CIMAP1A: variants seen among roughly 807,000 people sequenced by gnomAD.
The protein encoded by CIMAP1A is cancer/testis antigen 135.
the CIMAP1A span, chr11:199,767 T>G: frequency 6.9e-7 from 1 of 1,439,964 alleles, no homozygotes; most frequent in Non-Finnish European, 9.1e-7. Context: ...CCTGCCCTTT[T>G]CCCTAGACAC....
At chr11:199,762 C>T in the CIMAP1A span, 1 of 1,438,254 alleles carries the variant, frequency 7.0e-7, no homozygotes. Flanking sequence ...GAGACCCTGC[C>T]CTTTTCCCTA....
the CIMAP1A span, chr11:197,330 C>G: frequency 3.1e-6 from 5 of 1,587,486 alleles, no homozygotes; most frequent in Non-Finnish European, 4.3e-6. Context: ...TGGATGGGTA[C>G]CTGGAGGCCC....
the CIMAP1A span, chr11:197,256 C>CGG: frequency 7.3e-7 from 1 of 1,376,564 alleles, no homozygotes; most frequent in Non-Finnish European, 1.0e-6. Flanking sequence ...GGGACAGGGC[C>CGG]GGGCCTCCCA....
At chr11:199,847 CAGGTTCAGGA>C in the CIMAP1A span, 7 of 1,518,132 alleles carry the variant, frequency 4.6e-6, no homozygotes, top group Middle Eastern at 1.7e-4. Context: ...ACCTTGGCCC[CAGGTTCAGGA>C]AGGACAGCAG....
At chr11:199,686 C>T in the CIMAP1A span, 8 of 1,435,756 alleles carry the variant, frequency 5.6e-6, no homozygotes, top group Non-Finnish European at 7.3e-6. Flanking sequence ...GAGGCACCTG[C>T]ACCCTGAGGA....
At chr11:197,739 G>C in the CIMAP1A span, 36 of 1,613,582 alleles carry the variant, frequency 2.2e-5, no homozygotes, top group Middle Eastern at 3.3e-4. Flanking sequence ...ACCAAACCAA[G>C]ACCATGCTGA....
chr11:199,461 A>T, the CIMAP1A span: 4 of 1,562,888 alleles, frequency 2.6e-6, no homozygotes, highest in African/African-American at 1.4e-5. Flanking sequence ...TGGAGCCCCC[A>T]GGGGACAAGA....
chr11:197,252 G>A, the CIMAP1A span: 1 of 1,345,496 alleles, frequency 7.4e-7, no homozygotes. Context: ...GCATGGGACA[G>A]GGCCGGGCCT....
the CIMAP1A span, chr11:198,860 T>G: frequency 7.5e-7 from 1 of 1,325,884 alleles, no homozygotes; most frequent in Non-Finnish European, 9.6e-7. Flanking sequence ...AGAGAGGCAA[T>G]CTTAGATAGG....
chr11:198,592 G>A, the CIMAP1A span: 2 of 1,601,362 alleles, frequency 1.2e-6, no homozygotes, highest in South Asian at 1.1e-5. Flanking sequence ...CAAGGCAAGG[G>A]CCACCCCAAC....
the CIMAP1A span, chr11:197,531 C>CGGGCTGCTCA: frequency 6.2e-7 from 1 of 1,608,852 alleles, no homozygotes; most frequent in Non-Finnish European, 8.5e-7. Context: ...GGTCAGGCTC[C>CGGGCTGCTCA]GGGCTGCTCA....
chr11:198,360 G>C, the CIMAP1A span: 3 of 1,613,332 alleles, frequency 1.9e-6, no homozygotes, highest in Non-Finnish European at 2.5e-6. Flanking sequence ...GGTGGGGTGT[G>C]TGACATGGGG....
chr11:198,178 C>A, the CIMAP1A span: 1 of 1,610,142 alleles, frequency 6.2e-7, no homozygotes, highest in Non-Finnish European at 8.5e-7. Flanking sequence ...GTCCCAGCAG[C>A]CCCCTTGGCT....
the CIMAP1A span, chr11:198,783 C>T: frequency 1.1e-4 from 160 of 1,428,946 alleles, no homozygotes; most frequent in African/African-American, 1.2e-3. Flanking sequence ...AGAAGGGAGA[C>T]GCCCTGGCCC....
At chr11:199,265 C>T in the CIMAP1A span, 1 of 1,504,836 alleles carries the variant, frequency 6.6e-7, no homozygotes, top group Non-Finnish European at 8.9e-7. Flanking sequence ...CGGGCACCAA[C>T]TTGTAGCTGA....
the CIMAP1A span, chr11:199,825 T>G: frequency 6.7e-7 from 1 of 1,482,566 alleles, no homozygotes; most frequent in African/African-American, 1.4e-5. Flanking sequence ...CCTGGGAGCA[T>G]AGCTTCTGGC....
chr11:198,058 C>A, the CIMAP1A span: 17 of 1,543,524 alleles, frequency 1.1e-5, no homozygotes, highest in African/African-American at 2.1e-4. Context: ...ATCCTGGACA[C>A]CCCCTGACCC....
At chr11:199,422 G>A in the CIMAP1A span, 1 of 1,573,466 alleles carries the variant, frequency 6.4e-7, no homozygotes, top group Non-Finnish European at 8.6e-7. Flanking sequence ...CCAAGTTCAA[G>A]GCTCCGCAGT....
chr11:198,611 G>C, the CIMAP1A span: 2 of 1,584,306 alleles, frequency 1.3e-6, no homozygotes, highest in Admixed American at 1.7e-5. Context: ...ACTGAGAACA[G>C]AGAATCACCC....
Sources: gnomAD v4.1 joint callset for allele counts on GRCh38, gnomAD v4.1.1 for gene constraint, MANE v1.5 for transcripts, NCBI Gene and HGNC (gene_info 2026-07-23, HGNC 2026-07-21) for gene names.